The following CLIP1 variants were observed in gnomAD, a reference collection of about 807,000 sequenced individuals.
CLIP1 encodes the protein CAP-Gly domain containing linker protein 1, also known as CAP-Gly domain-containing linker protein 1.
CLIP1 carries 66 observed loss-of-function variants against 161.6 expected under a neutral mutation model. The ratio of observed to expected loss-of-function variants is 0.41; its 90% CI spans 0.33 to 0.50. The LOEUF (loss-of-function observed/expected upper bound fraction) is 0.50, where lower values mean the gene tolerates loss of function less well. CLIP1 is among the 20% of genes least tolerant of loss of function. The pLI is 0.27. For synonymous variants in CLIP1, 598 were observed against 626.2 expected, an observed-to-expected ratio of 0.96 and a Z score of 0.67; for missense variants, 1,376 against 1,702.0, an observed-to-expected ratio of 0.81 and a Z score of 3.37.
intron 24 of CLIP1, 121 bp downstream of exon 24, chr12:122,278,033 G>A (rs1955501673): frequency 1.2e-6 from 1 of 811,874 alleles, no homozygotes. Flanking sequence ...CTAGAGGAAT[G>A]CATTACCAAT....
At position 122,366,568 on chromosome 12, in the gene CLIP1, C is replaced by T. The variant is rs1370516693; in HGVS notation, c.658-2461G>A. 4.6e-5 allele frequency among the ~76,000 whole-genome samples: 7 copies of T among 152,028 alleles called. No homozygotes were observed. In the East Asian group the frequency reaches 9.7e-4, roughly 21 times the overall value. Reference sequence around the variant, plus strand: ...AAAATTATCCTTCCTAGGCTGGGTGCGGTGGCTCAGGTCTGTAATTCCAAC... The same window carrying T: ...AAAATTATCCTTCCTAGGCTGGGTGTGGTGGCTCAGGTCTGTAATTCCAAC... On this transcript the variant is annotated intron_variant, in intron 3 of 25. Coordinates refer to ENST00000620786, the MANE Select transcript of CLIP1 (RefSeq NM_001247997.2).
intron 19 of CLIP1, among the ~76,000 whole-genome samples, chr12:122,312,079 G>A (rs1398370342): frequency 6.6e-6 from 1 of 152,196 alleles, no homozygotes; most frequent in Non-Finnish European, 1.5e-5. Flanking sequence ...TTTTAAAGAA[G>A]CTACTTTTCT....
chr12:122,291,802 C>T (rs775867272), intron 20 of CLIP1, among the ~76,000 whole-genome samples: 12 of 152,048 alleles, frequency 7.9e-5, no homozygotes, highest in Non-Finnish European at 4.4e-5. Flanking sequence ...TTGGGGGATA[C>T]GTTTTGAAAC....
intron 17 of CLIP1, among the ~76,000 whole-genome samples, chr12:122,321,587 C>T (rs557402251): frequency 2.6e-5 from 4 of 152,164 alleles, no homozygotes; most frequent in East Asian, 3.9e-4. Context: ...GGCATGATCT[C>T]GGTTTCCTGC....
At position 122,272,302 on chromosome 12, in the gene CLIP1, G is replaced by A. The variant is rs1040888988; in HGVS notation, c.*573C>T. On this transcript the variant is annotated 3_prime_UTR_variant, in exon 26 of 26. Coordinates refer to ENST00000620786, the MANE Select transcript of CLIP1 (RefSeq NM_001247997.2). ...TTGCCCCTCCCTTTACCTGCTTCAT[G>A]ATTTTATAATCACACCTAAGTATTA... 1 of 153,404 alleles carries A rather than the reference G, an allele frequency of 6.5e-6. No individual in the cohort carries two copies. Among genetic ancestry groups the A allele is most frequent in the African/African-American group, 2.4e-5 (1 of 41,444 alleles). The allele number at this position is 153,404 out of a possible 1,614,324, so 9.5% of individuals were successfully genotyped here.
intron 19 of CLIP1, among the ~76,000 whole-genome samples, chr12:122,315,696 AGTGGCTC>A (rs1951235765): frequency 6.8e-6 from 1 of 147,608 alleles, no homozygotes; most frequent in Non-Finnish European, 1.5e-5. Flanking sequence ...GCTGGAGTGC[AGTGGCTC>A]GATCTCGGCT....
upstream of CLIP1, chr12:122,422,729 GCCCGGCCGGC>G (rs1273795466): frequency 6.6e-5 from 9 of 136,136 alleles, no homozygotes; most frequent in Non-Finnish European, 1.1e-4. Context: ...CGCCCGGCCG[GCCCGGCCGGC>G]CCGGCCCCTC....
At chr12:122,338,106 T>G (rs1796251512) in intron 11 of CLIP1, among the ~76,000 whole-genome samples, 1 of 150,144 alleles carries the variant, frequency 6.7e-6, no homozygotes, top group Non-Finnish European at 1.5e-5. Flanking sequence ...GAGGCCGAGG[T>G]CAGCAGATCT....
intron 1 of CLIP1, among the ~76,000 whole-genome samples, chr12:122,404,758 C>G: frequency 6.6e-6 from 1 of 151,324 alleles, no homozygotes; most frequent in Non-Finnish European, 1.5e-5. Flanking sequence ...AAAAAATTAG[C>G]CTGGCATGGT....
At position 122,341,426 on chromosome 12, in the gene CLIP1, G is replaced by A. The variant is rs1197557715; in HGVS notation, c.1778C>T (p.Thr593Ile). The A allele has an allele frequency of 6.2e-7, 1 of 1,614,084 alleles. No individual in the cohort carries two copies. The highest frequency in any genetic ancestry group is 8.5e-7 in the Non-Finnish European group (1 of 1,180,012). The change falls in exon 11 of 26, where the codon ACC (threonine) becomes ATC (isoleucine). Residue 593 changes from threonine (T) to isoleucine (I), a missense_variant. Transcript: ENST00000620786. Reference protein sequence around the residue: ...THQKEIKALYTATEKLSKENE... With the variant: ...THQKEIKALYIATEKLSKENE... ...CTCTTTGGAAAGCTTTTCCGTGGCG[G>A]TATACAGAGCCTTTATCTCCTTCTG...
intron 5 of CLIP1, among the ~76,000 whole-genome samples, chr12:122,359,683 A>G (rs574899714): frequency 1.3e-5 from 2 of 152,324 alleles, no homozygotes; most frequent in East Asian, 3.9e-4. Context: ...TAGAGGAAGG[A>G]AGCCTAGATG....
rs752862098 is a variant in CLIP1 at position 122,355,166 on chromosome 12, G to A, written c.1152C>T (p.His384=). ...ERAEVAKATS[H]VGEIEQELAL... ...CTAGCTCCTGCTCTATCTCCCCCAC[G>A]TGGCTCGTGGCCTTGGCCACCTCCG... is the stretch of plus-strand genomic sequence containing the variant. The change falls in exon 6 of 26, where the codon CAC becomes CAT. Residue 384 remains histidine, a synonymous_variant. Coordinates refer to ENST00000620786, the MANE Select transcript of CLIP1 (RefSeq NM_001247997.2). The surrounding 1 kb of genome is among the most constrained non-coding windows in gnomAD (Gnocchi z 4.1). 18 of 1,614,086 alleles carry A rather than the reference G, an allele frequency of 1.1e-5. No homozygotes were observed. The highest frequency in any genetic ancestry group is 2.2e-5 in the East Asian group (1 of 44,896).
At position 122,316,832 on chromosome 12, in the gene CLIP1, G is replaced by C. The variant is rs1298144514; in HGVS notation, c.3390C>G (p.Asn1130Lys). 1 of 1,584,674 alleles carries C rather than the reference G, an allele frequency of 6.3e-7. No individual in the cohort carries two copies. The highest frequency in any genetic ancestry group is 8.6e-7 in the Non-Finnish European group (1 of 1,168,240). The stretch of plus-strand genomic sequence containing the variant: ...TGTTCAGCTCTTCCACATTTTTCAA[G>C]TTGTTTTCTTTAAGTGTGTCCAACT... Reference protein sequence around the residue: ...QNELDTLKENNLKNVEELNKS... With the variant: ...QNELDTLKENKLKNVEELNKS... The change falls in exon 19 of 26, where the codon AAC (asparagine) becomes AAG (lysine). Residue 1130 changes from asparagine (N) to lysine (K), a missense_variant. Physicochemically the swap from Asn to Lys is moderately conservative, Grantham distance 94. Transcript: ENST00000620786.
intron 2 of CLIP1, among the ~76,000 whole-genome samples, chr12:122,379,179 G>A (rs1441413495): frequency 1.3e-5 from 2 of 151,850 alleles, no homozygotes; most frequent in Non-Finnish European, 2.9e-5. Context: ...ATAGTGGTGG[G>A]TGCCATTAAT....
At chr12:122,384,049 A>C (rs1445965201) in intron 1 of CLIP1, among the ~76,000 whole-genome samples, 1 of 152,224 alleles carries the variant, frequency 6.6e-6, no homozygotes, top group Non-Finnish European at 1.5e-5. Context: ...TTTGAGCATT[A>C]CAATACTATG....
In CLIP1 at chr12:122,341,078, C is replaced by T. The variant is rs1952475630; in HGVS notation, c.2126G>A (p.Ser709Asn). 1 of 1,613,910 alleles carries T rather than the reference C, an allele frequency of 6.2e-7. No individual in the cohort carries two copies. The highest frequency in any genetic ancestry group is 1.3e-5 in the African/African-American group (1 of 74,962). Residue 709 changes from serine (S) to asparagine (N), a missense_variant, in exon 11 of 26, where the codon AGT becomes AAT. Ser to Asn is a conservative substitution (Grantham distance 46, BLOSUM62 1). Around this residue, in one of 6 missense-constraint regions of CLIP1, gnomAD observed 948 missense variants for 1,134.8 expected, o/e 0.84. Transcript: ENST00000620786. ...LMKVIKEKEN[S>N]LEAIRSKLDK... Reference sequence around the variant, plus strand: ...CAGTTTCGACCTGATGGCTTCCAGACTGTTTTCCTTTTCTTTAATAACTTT... The same window carrying T: ...CAGTTTCGACCTGATGGCTTCCAGATTGTTTTCCTTTTCTTTAATAACTTT...
intron 7 of CLIP1, among the ~76,000 whole-genome samples, chr12:122,353,928 A>G (rs1953188846): frequency 6.6e-6 from 1 of 151,772 alleles, no homozygotes; most frequent in Non-Finnish European, 1.5e-5. Context: ...ACTGCGCCCA[A>G]TCAGGCCATG....
At chr12:122,318,871 G>C (rs954437369) in intron 18 of CLIP1, among the ~76,000 whole-genome samples, 3 of 152,166 alleles carry the variant, frequency 2.0e-5, no homozygotes, top group African/African-American at 7.2e-5. Flanking sequence ...ATCAGACTCA[G>C]GGCTGAGGAA....
At chr12:122,313,597 A>C (rs912692754) in intron 19 of CLIP1, among the ~76,000 whole-genome samples, 1 of 152,002 alleles carries the variant, frequency 6.6e-6, no homozygotes, top group African/African-American at 2.4e-5. Context: ...ACGGTGGTAC[A>C]TGCCTGTAAT....
Sources: gnomAD v4.1 joint callset for allele counts (sites outside exome capture counted in the v4.1 genomes callset) on GRCh38, gnomAD v4.1.1 for gene constraint, gnomAD v4.1.1 regional missense constraint, Gnocchi (gnomAD v3.1) non-coding constraint, MANE v1.5 for transcripts, NCBI Gene and HGNC (gene_info 2026-07-23, HGNC 2026-07-21) for gene names.